Variants in DNAH10 observed in about 807,000 individuals in gnomAD.
DNAH10 encodes axonemal beta dynein heavy chain 10.
Under a neutral mutation model 506.6 loss-of-function variants are expected in DNAH10, and 348 were observed. The ratio of observed to expected loss-of-function variants is 0.69; its 90% confidence interval spans 0.63 to 0.75. The LOEUF (loss-of-function observed/expected upper bound fraction) is 0.75. Ranked by LOEUF, DNAH10 falls within the 30% of genes least tolerant of loss-of-function variation. DNAH10 has a pLI of 0.00. For synonymous variants in DNAH10, 2,059 were observed against 2,198.6 expected (o/e 0.94, Z 1.78); for missense variants, 5,179 against 5,787.1 (o/e 0.89, Z 3.41).
intron 39 of DNAH10, among the ~76,000 whole-genome samples, chr12:123,862,325 C>T (rs1270434868): frequency 2.0e-5 from 3 of 150,626 alleles, no homozygotes; most frequent in South Asian, 2.1e-4. Context: ...ATCTGGTCAT[C>T]CTCCTCCTCC....
At position 123,848,078 on chromosome 12, in the gene DNAH10, G is replaced by T. The variant is rs753565239; in HGVS notation, c.5932G>T (p.Glu1978Ter). The change falls in exon 33 of 79, where the codon GAA becomes TAA. Residue 1978 changes from glutamate to a stop codon, truncating the protein, a stop_gained. Transcript: ENST00000673944. LOFTEE classifies it high-confidence loss of function. Reference protein sequence around the residue: ...GLLCVVTNCGEGMDYRAVGKI... With the variant: ...GLLCVVTNCG ...GCTCTGTGTTGTCACCAACTGTGGC[G>T]AAGGCATGGATTACAGGGTAAGGCC... The T allele has an allele frequency of 6.2e-7, 1 of 1,613,680 alleles. No homozygotes were observed. Among genetic ancestry groups the T allele is most frequent in the Admixed American group, 1.7e-5 (1 of 59,996 alleles).
chr12:123,910,395 G>A (rs967559206), intron 58 of DNAH10, 141 bp from the exon 59 acceptor site: 56 of 1,091,702 alleles, frequency 5.1e-5, no homozygotes, highest in South Asian at 1.4e-4. Flanking sequence ...TTGACACCAC[G>A]CTGTTGGCCG....
intron 76 of DNAH10, among the ~76,000 whole-genome samples, chr12:123,932,342 T>C (rs1405699208): frequency 6.6e-6 from 1 of 152,246 alleles, no homozygotes; most frequent in Non-Finnish European, 1.5e-5. Context: ...TCTAAGTGTA[T>C]ATCTTGGCAC....
rs964404986 is a variant in DNAH10, at chr12:123,762,880, A to G, written c.214+330A>G. ...ACGAGGCGGGTGTATCCTCATCCCT[A>G]TTTTACAGATGAGCAAACTGGCACG... On this transcript the variant is annotated intron_variant, in intron 1 of 78. Coordinates refer to ENST00000673944, the MANE Select transcript of DNAH10 (RefSeq NM_001372106.1). This position sits in a 1 kb window ranked among gnomAD's most constrained non-coding sequence, Gnocchi z 5.0. Among the ~76,000 whole-genome samples the G allele has an allele frequency of 6.6e-6, 1 of 152,108 alleles. No individual in the cohort carries two copies. Among genetic ancestry groups the G allele is most frequent in the Non-Finnish European group, 1.5e-5 (1 of 68,004 alleles).
rs777103022 is a variant in DNAH10 at position 123,914,543 on chromosome 12, A to G, written c.10567A>G (p.Ile3523Val). ...LESLLTDDVE[I>V]SRWGSQGLPP... ...AAGCCTGCTCACGGATGATGTTGAG[A>G]TCAGCAGGTGTGTGGCACCCTGAGC... is the stretch of plus-strand genomic sequence containing the variant. Residue 3523 changes from isoleucine (I) to valine (V), a missense_variant, in exon 61 of 79, where the codon ATC becomes GTC. Coordinates refer to ENST00000673944, the MANE Select transcript of DNAH10 (RefSeq NM_001372106.1). 1.9e-6 allele frequency: 3 copies of G among 1,612,752 alleles called. No homozygotes were observed. Among genetic ancestry groups the G allele is most frequent in the Non-Finnish European group, 1.7e-6 (2 of 1,179,566 alleles).
chr12:123,788,874 G>A lies in DNAH10; in HGVS notation c.1620+872G>A, dbSNP rs537659382. On this transcript the variant is annotated intron_variant, in intron 10 of 78. Coordinates refer to ENST00000673944, the MANE Select transcript of DNAH10 (RefSeq NM_001372106.1). ...CTGGGAGGTTGAGGCGCAGTGAGCCGTGGTCACGCCAGTGTACCCCAGCCT... is the reference window on the plus strand; with the variant it reads ...CTGGGAGGTTGAGGCGCAGTGAGCCATGGTCACGCCAGTGTACCCCAGCCT... Among the ~76,000 whole-genome samples, 28 of 150,502 alleles carry A rather than the reference G, an allele frequency of 1.9e-4. No homozygotes were observed. The South Asian group carries it at 5.2e-3, about 28-fold the overall frequency.
chr12:123,874,453 A>G (rs922686804), intron 46 of DNAH10, among the ~76,000 whole-genome samples: 1 of 151,888 alleles, frequency 6.6e-6, no homozygotes, highest in Non-Finnish European at 1.5e-5. Flanking sequence ...TTGTTCATCT[A>G]TCCATCTATT....
At chr12:123,832,113 A>G (rs1960619983) in intron 26 of DNAH10, among the ~76,000 whole-genome samples, 2 of 152,168 alleles carry the variant, frequency 1.3e-5, no homozygotes, top group Admixed American at 6.5e-5. Flanking sequence ...CACACAGTGT[A>G]CCTAACATAT....
intron 78 of DNAH10, 135 bp downstream of exon 78, chr12:123,934,901 G>C (rs1413362077): frequency 2.4e-6 from 3 of 1,225,876 alleles, no homozygotes; most frequent in Non-Finnish European, 3.4e-6. Context: ...GAGAGTCTTG[G>C]AGCCGTGATA....
In DNAH10 at chr12:123,896,111, T is replaced by TCACACACACACACA. The variant is rs112187635; in HGVS notation, c.9280+1413_9280+1426dup. ...CTGGGAGGCACAGTGAGACTTTATC[T>TCACACACACACACA]CACACACACACACACACACACACAC... On this transcript the variant is annotated intron_variant, in intron 54 of 78. Coordinates refer to ENST00000673944, the MANE Select transcript of DNAH10 (RefSeq NM_001372106.1). Among the ~76,000 whole-genome samples, 74 of 48,956 alleles carry TCACACACACACACA rather than the reference T, an allele frequency of 1.5e-3. 3 individuals are homozygous for TCACACACACACACA. Among genetic ancestry groups the TCACACACACACACA allele is most frequent in the African/African-American group, 1.9e-3 (32 of 17,170 alleles). 32.1% of individuals were successfully genotyped at this position (48,956 alleles called of 152,430 possible).
intron 50 of DNAH10, among the ~76,000 whole-genome samples, chr12:123,880,959 G>A (rs1245229128): frequency 6.6e-6 from 1 of 151,872 alleles, no homozygotes; most frequent in Non-Finnish European, 1.5e-5. Context: ...CTTCATCCAT[G>A]TCCCTACAAA....
rs755620119 is a variant in DNAH10 at position 123,804,823 on chromosome 12, T to G, written c.2780-10T>G. 6.2e-7 allele frequency: 1 copy of G among 1,606,276 alleles called. No homozygotes were observed. The highest frequency in any genetic ancestry group is 8.5e-7 in the Non-Finnish European group (1 of 1,175,022). ...TCGTGGACAGCTCTAACAGACATCT[T>G]TCTCTCCAGGCGTGAAGGAATTTTT... On this transcript the variant is annotated splice_polypyrimidine_tract_variant and intron_variant, in intron 17 of 78. Transcript: ENST00000673944.
intron 16 of DNAH10, among the ~76,000 whole-genome samples, chr12:123,803,193 A>G (rs1203548733): frequency 6.6e-6 from 1 of 152,164 alleles, no homozygotes; most frequent in Non-Finnish European, 1.5e-5. Flanking sequence ...TTATAGTATG[A>G]TGTTTCCCAG....
rs1287796929 is a variant in DNAH10, at chr12:123,853,953, C to T, written c.6438+601C>T. 2.0e-5 allele frequency among the ~76,000 whole-genome samples: 3 copies of T among 151,004 alleles called. No individual in the cohort carries two copies. Among genetic ancestry groups the T allele is most frequent in the Admixed American group, 6.6e-5 (1 of 15,166 alleles). ...GCACACGCACACGCACACACACACA[C>T]ATTTGGGTAGTAAAAAAAAAACAGC... On this transcript the variant is annotated intron_variant, in intron 36 of 78. Coordinates refer to ENST00000673944, the MANE Select transcript of DNAH10 (RefSeq NM_001372106.1). The surrounding 1 kb of genome is among the most constrained non-coding windows in gnomAD (Gnocchi z 4.7).
Position 123,804,821 on chromosome 12 carries a change from C to T in DNAH10, c.2780-12C>T, listed in dbSNP as rs1203379307. 5 of 1,605,700 alleles carry T rather than the reference C, an allele frequency of 3.1e-6. No homozygotes were observed. The African/African-American group carries it at 6.7e-5, about 21-fold the overall frequency. ...GTTCGTGGACAGCTCTAACAGACAT[C>T]TTTCTCTCCAGGCGTGAAGGAATTT... On this transcript the variant is annotated splice_polypyrimidine_tract_variant and intron_variant, in intron 17 of 78. Coordinates refer to ENST00000673944, the MANE Select transcript of DNAH10 (RefSeq NM_001372106.1).
chr12:123,905,953 A>C (rs985473957), intron 57 of DNAH10, among the ~76,000 whole-genome samples: 18 of 151,188 alleles, frequency 1.2e-4, no homozygotes, highest in African/African-American at 4.1e-4. Flanking sequence ...AGTCTTGCTC[A>C]GTCACCCAGG....
At position 123,868,003 on chromosome 12, in the gene DNAH10, T is replaced by C. The variant is rs756859648; in HGVS notation, c.7403T>C (p.Leu2468Pro). The C allele has an allele frequency of 6.2e-7, 1 of 1,613,954 alleles. No homozygotes were observed. Among genetic ancestry groups the C allele is most frequent in the South Asian group, 1.1e-5 (1 of 91,076 alleles). ...CYFLEALYCSLGASLLEDGRM... is the reference protein window; with the variant it reads ...CYFLEALYCSPGASLLEDGRM... ...TTCCTGGAGGCTTTGTACTGCTCTC[T>C]GGGAGCCTCCCTGCTTGAGGATGGA... The change falls in exon 43 of 79, where the codon CTG becomes CCG. Residue 2468 changes from leucine to proline, a missense_variant. Physicochemically the swap from Leu to Pro is moderately conservative, Grantham distance 98 (BLOSUM62 -3). This residue lies in a region of DNAH10 where 4,844 missense variants were observed against 5,430.5 expected (regional missense o/e 0.89). Coordinates refer to ENST00000673944, the MANE Select transcript of DNAH10 (RefSeq NM_001372106.1).
At chr12:123,931,043 C>CA (rs1480348189) in intron 73 of DNAH10, among the ~76,000 whole-genome samples, 2 of 151,670 alleles carry the variant, frequency 1.3e-5, no homozygotes, top group Non-Finnish European at 2.9e-5. Context: ...AAAATCAAAA[C>CA]AAAAAAACAA....
intron 36 of DNAH10, among the ~76,000 whole-genome samples, chr12:123,855,346 C>A (rs966898839): frequency 6.6e-6 from 1 of 152,054 alleles, no homozygotes; most frequent in Non-Finnish European, 1.5e-5. Flanking sequence ...TAAGGCTGGG[C>A]GCAGTGGCTC....
Sources: allele counts gnomAD v4.1 joint callset (sites outside exome capture counted in the v4.1 genomes callset), GRCh38; gene constraint gnomAD v4.1.1; regional missense constraint gnomAD v4.1.1; non-coding constraint Gnocchi (gnomAD v3.1); transcripts MANE v1.5; gene names NCBI Gene and HGNC (gene_info 2026-07-23, HGNC 2026-07-21).